CHL1: variants seen among roughly 807,000 people sequenced by gnomAD.
CHL1 encodes neural cell adhesion molecule L1-like protein.
In CHL1, 96 loss-of-function variants were observed where a neutral mutation model predicts 141.9. That is an observed-to-expected ratio of 0.68 (90% confidence interval 0.57 to 0.80). The LOEUF (loss-of-function observed/expected upper bound fraction) is 0.80, where lower values mean the gene tolerates loss of function less well. Among genes scored for constraint, CHL1 ranks in the 30% least tolerant of loss-of-function variants. CHL1 has a pLI of 0.00. For synonymous variants in CHL1, 613 were observed against 502.2 expected (o/e 1.22, Z -2.95); for missense variants, 1,820 against 1,457.2 (o/e 1.25, Z -4.05).
chr3:378,550 G>C (rs566739614), intron 16 of CHL1, among the ~76,000 whole-genome samples: 1 of 152,130 alleles, frequency 6.6e-6, no homozygotes, highest in African/African-American at 2.4e-5. Flanking sequence ...CCATCTGCTG[G>C]ATGTTTTCCA....
intron 15 of CHL1, among the ~76,000 whole-genome samples, chr3:369,116 T>C (rs779192261): frequency 3.9e-5 from 6 of 152,202 alleles, no homozygotes; most frequent in Non-Finnish European, 7.3e-5. Flanking sequence ...AGTAGTTTTT[T>C]TTCTAATTCT....
At chr3:391,553 A>G (rs1309155697) in intron 22 of CHL1, 122 bp from the exon 23 acceptor site, 1 of 665,510 alleles carries the variant, frequency 1.5e-6, no homozygotes, top group Non-Finnish European at 2.6e-6. Context: ...CCTTATTAGT[A>G]GTTAATTAAT....
intron 1 of CHL1, among the ~76,000 whole-genome samples, chr3:200,337 G>C (rs1698803406): frequency 6.6e-6 from 1 of 152,122 alleles, no homozygotes; most frequent in African/African-American, 2.4e-5. Context: ...GAGGTGTTGA[G>C]TTCTGAATTT....
intron 2 of CHL1, among the ~76,000 whole-genome samples, chr3:275,903 A>G (rs1696051525): frequency 6.6e-6 from 1 of 152,072 alleles, no homozygotes; most frequent in Admixed American, 6.6e-5. Flanking sequence ...TATATATACT[A>G]TGTGCCAAAC....
intron 5 of CHL1, among the ~76,000 whole-genome samples, chr3:340,110 A>G (rs936705119): frequency 6.6e-6 from 1 of 152,228 alleles, no homozygotes; most frequent in South Asian, 2.1e-4. Context: ...TATTCTGATT[A>G]TAACTGCATT....
intron 23 of CHL1, among the ~76,000 whole-genome samples, chr3:392,827 G>A (rs1421485306): frequency 6.6e-6 from 1 of 152,216 alleles, no homozygotes; most frequent in Non-Finnish European, 1.5e-5. Context: ...AACGGAAGTA[G>A]ACTTTAGCAC....
intron 1 of CHL1, among the ~76,000 whole-genome samples, chr3:215,080 T>C (rs1700203715): frequency 6.6e-6 from 1 of 152,120 alleles, no homozygotes; most frequent in Admixed American, 6.6e-5. Flanking sequence ...AACTTGAAAG[T>C]AATATGTTGA....
intron 16 of CHL1, among the ~76,000 whole-genome samples, chr3:379,719 T>C (rs1237840764): frequency 2.0e-5 from 3 of 152,188 alleles, no homozygotes; most frequent in Non-Finnish European, 4.4e-5. Context: ...CGATTATATG[T>C]ACTGGTTATA....
intron 1 of CHL1, among the ~76,000 whole-genome samples, chr3:238,135 A>C (rs775989872): frequency 1.3e-5 from 2 of 152,102 alleles, no homozygotes; most frequent in African/African-American, 2.4e-5. Flanking sequence ...CTCATGTATC[A>C]TTTTCCTTTT....
rs542528913 is a variant in CHL1, at chr3:386,697, C to A, written c.2248-2555C>A. ...TGGGAAGCAGGAACATCTTTAATTA[C>A]CTGGTTATATAATCGCATCCAAGAT... On this transcript the variant is annotated intron_variant, in intron 19 of 27. Transcript: ENST00000256509. Among the ~76,000 whole-genome samples the A allele has an allele frequency of 7.9e-5, 12 of 152,162 alleles. No individual in the cohort carries two copies. In the East Asian group the frequency reaches 2.3e-3, roughly 29 times the overall value.
At chr3:375,816 A>G (rs1037143358) in intron 15 of CHL1, among the ~76,000 whole-genome samples, 5 of 152,270 alleles carry the variant, frequency 3.3e-5, no homozygotes, top group African/African-American at 1.2e-4. Flanking sequence ...TCAAGGTTGT[A>G]CAAATAATAA....
At chr3:405,013 C>T (rs952829687) in intron 27 of CHL1, among the ~76,000 whole-genome samples, 1 of 152,110 alleles carries the variant, frequency 6.6e-6, no homozygotes, top group Non-Finnish European at 1.5e-5. Context: ...AGGGGTAGGG[C>T]AGCTCTCTGG....
At chr3:320,434 A>G (rs987052310) in intron 3 of CHL1, among the ~76,000 whole-genome samples, 1 of 152,014 alleles carries the variant, frequency 6.6e-6, no homozygotes, top group African/African-American at 2.4e-5. Flanking sequence ...AAATATATAA[A>G]TATATATTCT....
At chr3:369,235 AT>A (rs34439657) in intron 15 of CHL1, among the ~76,000 whole-genome samples, 38,825 of 149,398 alleles carry the variant, frequency 0.26, 5,456 homozygotes, top group East Asian at 0.44. Context: ...TGAGGATGGG[AT>A]TTTTTTTTTT....
intron 2 of CHL1, among the ~76,000 whole-genome samples, chr3:257,771 G>A (rs923521542): frequency 2.6e-5 from 4 of 152,020 alleles, no homozygotes; most frequent in Admixed American, 6.6e-5. Context: ...TTGATTTCCT[G>A]TTTATAGCAG....
At position 345,467 on chromosome 3, in the gene CHL1, A is replaced by ATTTATTTAT. The variant is rs397937888; in HGVS notation, c.848+760_848+761insTATTTATTT. On this transcript the variant is annotated intron_variant, in intron 9 of 27. Coordinates refer to ENST00000256509, the MANE Select transcript of CHL1 (RefSeq NM_006614.4). Reference sequence around the variant, plus strand: ...ATTTATTTATTTATTTATTTATTTAATTATTTATTCATTTATTCATTTATT... The same window carrying ATTTATTTAT: ...ATTTATTTATTTATTTATTTATTTAATTTATTTATTTATTTATTCATTTATTCATTTATT... Among the ~76,000 whole-genome samples, 703 of 134,852 alleles carry ATTTATTTAT rather than the reference A, an allele frequency of 5.2e-3. 7 individuals are homozygous for ATTTATTTAT. Among genetic ancestry groups the ATTTATTTAT allele is most frequent in the African/African-American group, 0.018 (656 of 36,362 alleles). 88.5% of individuals were successfully genotyped at this position (134,852 alleles called of 152,430 possible).
chr3:319,544 G>A (rs1449945725), intron 2 of CHL1, 139 bp from the exon 3 acceptor site: 3 of 424,674 alleles, frequency 7.1e-6, no homozygotes, highest in East Asian at 4.1e-5. Context: ...TCATTCATGC[G>A]GAGTTATGAG....
At chr3:342,948 A>T (rs774021424) in intron 7 of CHL1, 36 bp from the exon 8 acceptor site, 11 of 1,544,762 alleles carry the variant, frequency 7.1e-6, no homozygotes, top group South Asian at 2.4e-5. Context: ...ATCCACCATT[A>T]TGTTTGTGTT....
intron 2 of CHL1, among the ~76,000 whole-genome samples, chr3:288,228 A>AT (rs757587838): frequency 1.2e-4 from 18 of 152,184 alleles, no homozygotes; most frequent in Non-Finnish European, 2.1e-4. Flanking sequence ...CTACTTTAAG[A>AT]TTTTACCTTC....
Sources: allele counts gnomAD v4.1 joint callset (sites outside exome capture counted in the v4.1 genomes callset), GRCh38; gene constraint gnomAD v4.1.1; transcripts MANE v1.5; gene names NCBI Gene and HGNC (gene_info 2026-07-23, HGNC 2026-07-21).